The following SP3 variants were observed in gnomAD, a reference collection of about 807,000 sequenced individuals.
SP3 encodes the protein transcription factor Sp3.
A neutral mutation model predicts 70.3 loss-of-function variants in SP3; 10 were observed. The ratio of observed to expected loss-of-function variants is 0.14; its 90% CI spans 0.09 to 0.24. SP3 has a LOEUF of 0.24. SP3 is among the 10% of genes least tolerant of loss of function. The pLI is 1.00. For missense variants in SP3, 825 were observed against 914.6 expected (o/e 0.90, Z 1.26); for synonymous variants, 402 against 333.5 (o/e 1.21, Z -2.24).
At chr2:173,941,436 C>A (rs573148350) in intron 4 of SP3, among the ~76,000 whole-genome samples, 1 of 152,238 alleles carries the variant, frequency 6.6e-6, no homozygotes, top group East Asian at 1.9e-4. Context: ...GGCAAAACCC[C>A]ATCTCTTCTA....
At chr2:173,964,588 G>A (rs1313018174) in intron 1 of SP3, 35 bp from the exon 2 acceptor site, 4 of 655,892 alleles carry the variant, frequency 6.1e-6, no homozygotes, top group African/African-American at 1.9e-5. Flanking sequence ...GGGGTGGGGA[G>A]GAAGGCGGGT....
intron 3 of SP3, among the ~76,000 whole-genome samples, chr2:173,960,242 A>C (rs1294050432): frequency 6.6e-6 from 1 of 152,252 alleles, no homozygotes; most frequent in Non-Finnish European, 1.5e-5. Context: ...AGGCACTCTA[A>C]GTCTCTCTAC....
Position 173,918,770 on chromosome 2 carries a change from T to C in SP3, c.1655A>G (p.Glu552Gly). 6.2e-7 allele frequency: 1 copy of C among 1,610,938 alleles called. No homozygotes were observed. ...CCACTCTTCAGGATCAGGTTCTTCTTCCTTGATCCTAATATCTAAAGGGAA... is the reference window on the plus strand; with the variant it reads ...CCACTCTTCAGGATCAGGTTCTTCTCCCTTGATCCTAATATCTAAAGGGAA... ...ADSPADIRIK[E>G]EEPDPEEWQL... Residue 552 changes from glutamate to glycine, a missense_variant, in exon 5 of 7, where the codon GAA becomes GGA. Coordinates refer to ENST00000310015, the MANE Select transcript of SP3 (RefSeq NM_003111.5).
Position 173,919,593 on chromosome 2 carries a change from AAAGT to A in SP3, c.1640-812_1640-809del, listed in dbSNP as rs368005018. The stretch of plus-strand genomic sequence containing the variant: ...TAATAATCCATCAAAATGACCCATA[AAAGT>A]AAGAAAAGGTATTCAACATTGTTAA... On this transcript the variant is annotated intron_variant, in intron 4 of 6. Coordinates refer to ENST00000310015, the MANE Select transcript of SP3 (RefSeq NM_003111.5). 6.5e-4 allele frequency among the ~76,000 whole-genome samples: 99 copies of A among 152,306 alleles called. 2 individuals are homozygous for A. In the South Asian group the frequency reaches 0.019, roughly 29 times the overall value.
intron 1 of SP3, 129 bp from the exon 2 acceptor site, chr2:173,964,682 C>G: frequency 2.3e-6 from 1 of 428,062 alleles, no homozygotes; most frequent in Non-Finnish European, 4.1e-6. Context: ...CCCACCCGCC[C>G]CCCGGCGGCG....
intron 4 of SP3, among the ~76,000 whole-genome samples, chr2:173,947,450 AAG>A (rs374826524): frequency 1.3e-5 from 2 of 152,194 alleles, no homozygotes; most frequent in Non-Finnish European, 2.9e-5. Context: ...TTTAAAAAAA[AAG>A]AGAGAGAAAC....
At chr2:173,910,961 A>C (rs748513270) in intron 6 of SP3, among the ~76,000 whole-genome samples, 34 of 152,252 alleles carry the variant, frequency 2.2e-4, no homozygotes, top group Admixed American at 1.0e-3. Flanking sequence ...GATTACCAAA[A>C]GAGAAGACAA....
At chr2:173,961,565 A>ATG (rs1002544916) in intron 3 of SP3, among the ~76,000 whole-genome samples, 1 of 152,240 alleles carries the variant, frequency 6.6e-6, no homozygotes, top group African/African-American at 2.4e-5. Flanking sequence ...ATTTGGACAA[A>ATG]TGTATCATCA....
intron 4 of SP3, among the ~76,000 whole-genome samples, chr2:173,940,050 G>GT (rs1205530456): frequency 1.3e-5 from 2 of 151,320 alleles, no homozygotes; most frequent in African/African-American, 2.4e-5. Context: ...ATTTTTTTTT[G>GT]TTTTTTGGTA....
At chr2:173,911,813 CTT>C (rs11448837) in intron 6 of SP3, among the ~76,000 whole-genome samples, 26,794 of 96,678 alleles carry the variant, frequency 0.28, 1,915 homozygotes, top group Non-Finnish European at 0.31. Flanking sequence ...TTTTATCTAC[CTT>C]TTTTTTTTTT....
chr2:173,965,136 G>C (rs893810874), intron 1 of SP3, 29 bp downstream of exon 1: 2 of 1,548,128 alleles, frequency 1.3e-6, no homozygotes, highest in Non-Finnish European at 1.7e-6. Flanking sequence ...GGCGGCAGCA[G>C]CAAGGGTTGC....
chr2:173,965,137 C>G, intron 1 of SP3, 28 bp downstream of exon 1: 3 of 1,546,414 alleles, frequency 1.9e-6, no homozygotes, highest in Non-Finnish European at 8.7e-7. Flanking sequence ...GCGGCAGCAG[C>G]AAGGGTTGCT....
chr2:173,911,562 A>G (rs1014973179), intron 6 of SP3, among the ~76,000 whole-genome samples: 1 of 152,164 alleles, frequency 6.6e-6, no homozygotes, highest in Non-Finnish European at 1.5e-5. Context: ...TAAAGGTCCT[A>G]AGAGGTACTG....
chr2:173,944,248 T>C (rs547401774), intron 4 of SP3, among the ~76,000 whole-genome samples: 1 of 152,336 alleles, frequency 6.6e-6, no homozygotes, highest in East Asian at 1.9e-4. Flanking sequence ...AAAATAAAGC[T>C]GAAGGCCAGG....
intron 4 of SP3, among the ~76,000 whole-genome samples, chr2:173,933,626 A>G (rs1173844916): frequency 7.8e-6 from 1 of 128,236 alleles, no homozygotes; most frequent in Admixed American, 8.0e-5. Context: ...AATGACTAAC[A>G]TTTATAAAAC....
chr2:173,964,116 C>T, intron 2 of SP3: 2 of 352,176 alleles, frequency 5.7e-6, no homozygotes, highest in Non-Finnish European at 1.0e-5. Context: ...AGGCGGGCGG[C>T]GGGCTGCGCG....
intron 6 of SP3, among the ~76,000 whole-genome samples, chr2:173,910,684 T>C (rs1271403810): frequency 6.6e-6 from 1 of 152,180 alleles, no homozygotes; most frequent in Non-Finnish European, 1.5e-5. Flanking sequence ...CTTCAACTCT[T>C]AAATATGAAT....
chr2:173,950,170 G>A (rs2105492525), intron 4 of SP3, among the ~76,000 whole-genome samples: 1 of 151,884 alleles, frequency 6.6e-6, no homozygotes, highest in South Asian at 2.1e-4. Context: ...GCCTTCTAAA[G>A]GATAAGGAGT....
rs561643677 is a variant in SP3, at chr2:173,963,776, G to T, written c.264C>A (p.Pro88=). The change falls in exon 3 of 7, where the codon CCC becomes CCA. Residue 88 remains proline, a synonymous_variant. Coordinates refer to ENST00000310015, the MANE Select transcript of SP3 (RefSeq NM_003111.5). ...CGGGACTTACCGCTCCGGCGGCGGC[G>T]GGGGCCCCGGCTGCGGCGGCCGCCT... ...EEEAAAAAGA[P]AAAGATGDLA... The T allele has an allele frequency of 7.9e-5, 105 of 1,331,944 alleles. No homozygotes were observed. The African/African-American group carries it at 1.3e-3, about 17-fold the overall frequency. The allele number at this position is 1,331,944 out of a possible 1,614,324, so 82.5% of individuals were successfully genotyped here.
Sources: gnomAD v4.1 joint callset for allele counts (sites outside exome capture counted in the v4.1 genomes callset) on GRCh38, gnomAD v4.1.1 for gene constraint, MANE v1.5 for transcripts, NCBI Gene and HGNC (gene_info 2026-07-23, HGNC 2026-07-21) for gene names.